TTLL9: variants seen among roughly 807,000 people sequenced by gnomAD.
The protein encoded by TTLL9 is tubulin tyrosine ligase like 9.
A neutral mutation model predicts 65.6 loss-of-function variants in TTLL9; 47 were observed. The observed-to-expected ratio is 0.72, with a 90% CI of 0.57 to 0.91. The LOEUF is 0.91. TTLL9 is among the 40% of genes least tolerant of loss of function. The pLI, the probability that TTLL9 is intolerant of heterozygous loss-of-function variation, is 0.00. For synonymous variants in TTLL9, 179 were observed against 204.8 expected (o/e 0.87, Z 1.07); for missense variants, 537 against 568.8 (o/e 0.94, Z 0.57).
At chr20:31,887,951 C>G (rs111367377) in intron 3 of TTLL9, among the ~76,000 whole-genome samples, 3 of 143,162 alleles carry the variant, frequency 2.1e-5, no homozygotes, top group African/African-American at 7.9e-5. Flanking sequence ...ATGGCACAAT[C>G]TCAGCTGATG....
At chr20:31,919,803 G>A (rs1463307859) in intron 6 of TTLL9, 61 bp from the exon 7 acceptor site, 135 of 1,394,236 alleles carry the variant, frequency 9.7e-5, no homozygotes, top group African/African-American at 2.1e-4. Context: ...CCCCAGCCAC[G>A]GGGGCCAACA....
rs758880585 is a variant in TTLL9, at chr20:31,870,831, C to T, written c.-124C>T. ...TTCCGGCTCTGCCTGGACGTCCCTG[C>T]GGGCCCCGGGGGAAAGCACCCAACT... On this transcript the variant is annotated 5_prime_UTR_variant, in exon 1 of 15. Coordinates refer to ENST00000535842, the MANE Select transcript of TTLL9 (RefSeq NM_001008409.5). This position sits in a 1 kb window ranked among gnomAD's most constrained non-coding sequence, Gnocchi z 6.6. 1.9e-6 allele frequency: 1 copy of T among 532,984 alleles called. No individual in the cohort carries two copies. The allele number at this position is 532,984 out of a possible 1,614,324, so 33.0% of individuals were successfully genotyped here.
intron 5 of TTLL9, among the ~76,000 whole-genome samples, chr20:31,909,125 A>ATTT (rs11476481): frequency 1.8e-4 from 14 of 79,376 alleles, no homozygotes; most frequent in East Asian, 3.2e-4. Context: ...TGAAAGCATG[A>ATTT]TTTTTTTTTT....
At chr20:31,875,207 T>C (rs1028664414) in intron 2 of TTLL9, among the ~76,000 whole-genome samples, 2 of 152,080 alleles carry the variant, frequency 1.3e-5, no homozygotes, top group African/African-American at 4.8e-5. Flanking sequence ...TGGGCCTCAG[T>C]TTCATCATCT....
chr20:31,939,398 G>T, intron 14 of TTLL9, 132 bp downstream of exon 14: 2 of 1,078,082 alleles, frequency 1.9e-6, no homozygotes, highest in Non-Finnish European at 2.5e-6. Flanking sequence ...GTGTGACCTT[G>T]GGCAAGGGAC....
chr20:31,891,579 A>G (rs2063308162), intron 3 of TTLL9, among the ~76,000 whole-genome samples: 1 of 151,308 alleles, frequency 6.6e-6, no homozygotes, highest in Non-Finnish European at 1.5e-5. Context: ...GGCTCAAGTG[A>G]TCCTCCCACC....
At chr20:31,931,524 C>G (rs2064011287) in intron 10 of TTLL9, among the ~76,000 whole-genome samples, 1 of 152,224 alleles carries the variant, frequency 6.6e-6, no homozygotes, top group Non-Finnish European at 1.5e-5. Context: ...GACCTGCCTG[C>G]CTTGACCTCC....
At chr20:31,917,382 T>C (rs892572989) in intron 6 of TTLL9, among the ~76,000 whole-genome samples, 3 of 152,228 alleles carry the variant, frequency 2.0e-5, no homozygotes, top group Non-Finnish European at 4.4e-5. Context: ...TGTGGGTAAT[T>C]GTACATTATT....
intron 3 of TTLL9, among the ~76,000 whole-genome samples, chr20:31,891,500 T>G (rs80077766): frequency 6.7e-6 from 1 of 149,878 alleles, no homozygotes; most frequent in Non-Finnish European, 1.5e-5. Context: ...TATTTTATCT[T>G]TTTTTTTTTT....
chr20:31,934,552 C>A, intron 11 of TTLL9, 140 bp from the exon 12 acceptor site: 1 of 773,948 alleles, frequency 1.3e-6, no homozygotes, highest in Non-Finnish European at 2.1e-6. Context: ...CACCTGGGGT[C>A]ATCCTAATTA....
chr20:31,941,249 A>C (rs2064203612), intron 14 of TTLL9: 1 of 151,254 alleles, frequency 6.6e-6, no homozygotes, highest in Non-Finnish European at 1.5e-5. Flanking sequence ...AAAAAAGAAA[A>C]TAGACCCCAC....
At chr20:31,928,645 G>A (rs904457318) in intron 10 of TTLL9, among the ~76,000 whole-genome samples, 1 of 152,044 alleles carries the variant, frequency 6.6e-6, no homozygotes, top group Non-Finnish European at 1.5e-5. Flanking sequence ...AATCTCCCTT[G>A]AGGGATGGTG....
chr20:31,917,999 T>G (rs993076990), intron 6 of TTLL9, among the ~76,000 whole-genome samples: 2 of 152,166 alleles, frequency 1.3e-5, no homozygotes, highest in African/African-American at 2.4e-5. Flanking sequence ...TTTCTGCAGC[T>G]GCAGGCATAT....
chr20:31,875,808 G>A (rs1040199725), intron 2 of TTLL9, among the ~76,000 whole-genome samples: 3 of 152,076 alleles, frequency 2.0e-5, no homozygotes, highest in African/African-American at 7.2e-5. Flanking sequence ...AAATAAACTT[G>A]AAGTAGTTAA....
chr20:31,892,574 A>G (rs1324627887), intron 3 of TTLL9, among the ~76,000 whole-genome samples: 3 of 152,218 alleles, frequency 2.0e-5, no homozygotes, highest in Non-Finnish European at 1.5e-5. Context: ...GGCTTATTAG[A>G]AAACATTTGA....
intron 2 of TTLL9, among the ~76,000 whole-genome samples, chr20:31,873,753 AAAG>A (rs2062983523): frequency 7.0e-6 from 1 of 143,182 alleles, no homozygotes; most frequent in African/African-American, 2.7e-5. Context: ...AGGAAGGAAG[AAAG>A]AAAGAAAGAA....
intron 10 of TTLL9, among the ~76,000 whole-genome samples, chr20:31,927,382 G>C (rs1230279604): frequency 1.3e-5 from 2 of 149,300 alleles, no homozygotes; most frequent in Non-Finnish European, 3.0e-5. Context: ...TAGGGAGGCT[G>C]AGGCATGAGA....
intron 2 of TTLL9, chr20:31,879,746 C>A: frequency 6.9e-7 from 1 of 1,451,332 alleles, no homozygotes; most frequent in South Asian, 1.3e-5. Flanking sequence ...AGCCTGCGCA[C>A]TCCGCCGAGA....
Position 31,890,100 on chromosome 20 carries a change from C to CCCTCCCTTCCTT in TTLL9, c.113+2864_113+2865insCCCTTCCTTCCT, listed in dbSNP as rs2063276711. Among the ~76,000 whole-genome samples the CCCTCCCTTCCTT allele has an allele frequency of 6.8e-4, 34 of 50,038 alleles. 1 individual carries two copies. The highest frequency in any genetic ancestry group is 1.9e-3 in the African/African-American group (21 of 10,960). The allele number at this position is 50,038 out of a possible 152,430, so 32.8% of individuals were successfully genotyped here. On this transcript the variant is annotated intron_variant, in intron 3 of 14. Transcript: ENST00000535842. The stretch of plus-strand genomic sequence containing the variant: ...TCTTGCTTTCTTGCTTTCTTTCCCT[C>CCCTCCCTTCCTT]CCTTCCTTCCTTCCTTCCTTCCTTC...
Sources: allele counts gnomAD v4.1 joint callset (sites outside exome capture counted in the v4.1 genomes callset), GRCh38; gene constraint gnomAD v4.1.1; non-coding constraint Gnocchi (gnomAD v3.1); transcripts MANE v1.5; gene names NCBI Gene and HGNC (gene_info 2026-07-23, HGNC 2026-07-21).